RAP1GDS1: variants seen among roughly 807,000 people sequenced by gnomAD.
RAP1GDS1 encodes RAP1, GTP-GDP dissociation stimulator 1.
In RAP1GDS1, 35 loss-of-function variants were observed where a neutral mutation model predicts 71.1. The observed-to-expected ratio is 0.49, with a 90% CI of 0.38 to 0.65. RAP1GDS1 has a LOEUF of 0.65. Among genes scored for constraint, RAP1GDS1 ranks in the 30% least tolerant of loss-of-function variants. RAP1GDS1 has a pLI of 0.00. For missense variants in RAP1GDS1, 663 were observed against 706.1 expected (o/e 0.94, Z 0.69); for synonymous variants, 229 against 243.1 (o/e 0.94, Z 0.54).
intron 5 of RAP1GDS1, among the ~76,000 whole-genome samples, chr4:98,385,556 G>A (rs144587637): frequency 6.6e-6 from 1 of 151,936 alleles, no homozygotes; most frequent in East Asian, 1.9e-4. Flanking sequence ...AGCATCATGT[G>A]TAAATTAACT....
chr4:98,376,431 G>A (rs945897640), intron 4 of RAP1GDS1, among the ~76,000 whole-genome samples: 2 of 151,976 alleles, frequency 1.3e-5, no homozygotes, highest in Non-Finnish European at 2.9e-5. Context: ...ATGGACTTGT[G>A]CAATGATAGC....
At chr4:98,323,862 C>A (rs1442165018) in intron 2 of RAP1GDS1, among the ~76,000 whole-genome samples, 202 of 145,532 alleles carry the variant, frequency 1.4e-3, no homozygotes, top group Non-Finnish European at 1.1e-3. Context: ...AAAACTGGCA[C>A]AAGACAGGGA....
chr4:98,291,274 G>A (rs904508525), intron 1 of RAP1GDS1, among the ~76,000 whole-genome samples: 1 of 152,058 alleles, frequency 6.6e-6, no homozygotes, highest in Non-Finnish European at 1.5e-5. Context: ...TTCACAAGAC[G>A]AACTAGACCA....
chr4:98,334,332 C>A (rs1412725964), intron 2 of RAP1GDS1, among the ~76,000 whole-genome samples: 1 of 152,054 alleles, frequency 6.6e-6, no homozygotes, highest in Non-Finnish European at 1.5e-5. Context: ...TTTACCCTTC[C>A]CCCACCTTTG....
chr4:98,365,892 A>G (rs1486082936), intron 4 of RAP1GDS1, among the ~76,000 whole-genome samples: 1 of 152,194 alleles, frequency 6.6e-6, no homozygotes, highest in Non-Finnish European at 1.5e-5. Context: ...TGGCAAAACC[A>G]TATTATCATG....
intron 1 of RAP1GDS1, among the ~76,000 whole-genome samples, chr4:98,278,772 A>C (rs1724603326): frequency 6.6e-6 from 1 of 152,202 alleles, no homozygotes; most frequent in Non-Finnish European, 1.5e-5. Flanking sequence ...ACAAATTTTA[A>C]TATGGAAACT....
intron 5 of RAP1GDS1, among the ~76,000 whole-genome samples, chr4:98,390,235 A>G (rs1030774763): frequency 6.6e-6 from 1 of 152,170 alleles, no homozygotes; most frequent in Admixed American, 6.5e-5. Context: ...TATTCTGCCA[A>G]TATAATATAG....
At chr4:98,323,360 C>T (rs1732319172) in intron 2 of RAP1GDS1, among the ~76,000 whole-genome samples, 2 of 138,450 alleles carry the variant, frequency 1.4e-5, no homozygotes, top group Non-Finnish European at 3.0e-5. Flanking sequence ...GGAACTGGTA[C>T]CATTCCTTCT....
chr4:98,267,463 A>G (rs1210466101), intron 1 of RAP1GDS1, among the ~76,000 whole-genome samples: 3 of 152,126 alleles, frequency 2.0e-5, no homozygotes, highest in Non-Finnish European at 4.4e-5. Context: ...CATGGTACCC[A>G]GTGGGTAGTT....
chr4:98,401,864 T>A (rs1175142468), intron 6 of RAP1GDS1, among the ~76,000 whole-genome samples: 1 of 152,164 alleles, frequency 6.6e-6, no homozygotes, highest in Non-Finnish European at 1.5e-5. Context: ...TATTAAGTGT[T>A]TGGAGGAAAA....
chr4:98,301,854 G>T (rs1728631575), intron 2 of RAP1GDS1, among the ~76,000 whole-genome samples: 1 of 152,110 alleles, frequency 6.6e-6, no homozygotes, highest in African/African-American at 2.4e-5. Context: ...GTGATGAAAA[G>T]AAAGAAGCAA....
At chr4:98,273,392 A>G (rs966265829) in intron 1 of RAP1GDS1, among the ~76,000 whole-genome samples, 6 of 152,196 alleles carry the variant, frequency 3.9e-5, no homozygotes, top group Non-Finnish European at 7.3e-5. Flanking sequence ...GGAAAAATAT[A>G]TATGAGAGAA....
chr4:98,403,601 G>A (rs1745728845), intron 6 of RAP1GDS1, among the ~76,000 whole-genome samples: 1 of 152,184 alleles, frequency 6.6e-6, no homozygotes, highest in African/African-American at 2.4e-5. Flanking sequence ...CTGATGTCCA[G>A]AAGAGGGTTA....
chr4:98,383,576 A>G (rs1433766254), intron 5 of RAP1GDS1, among the ~76,000 whole-genome samples: 1 of 151,488 alleles, frequency 6.6e-6, no homozygotes, highest in East Asian at 1.9e-4. Flanking sequence ...GGCTGATGAT[A>G]ATTAAGCTAT....
At chr4:98,288,667 G>A (rs1160497673) in intron 1 of RAP1GDS1, among the ~76,000 whole-genome samples, 15 of 152,118 alleles carry the variant, frequency 9.9e-5, no homozygotes, top group Admixed American at 5.9e-4. Context: ...AAGTGTTCCT[G>A]TTTCTTCACA....
intron 12 of RAP1GDS1, among the ~76,000 whole-genome samples, chr4:98,429,574 A>G (rs1750113278): frequency 6.6e-6 from 1 of 152,208 alleles, no homozygotes; most frequent in African/African-American, 2.4e-5. Flanking sequence ...TGGGTCCACC[A>G]AAATCTCACA....
intron 14 of RAP1GDS1, among the ~76,000 whole-genome samples, chr4:98,438,905 A>G (rs1751530004): frequency 6.6e-6 from 1 of 151,988 alleles, no homozygotes; most frequent in African/African-American, 2.4e-5. Flanking sequence ...CCAGCCTCTC[A>G]CGTATATCAT....
chr4:98,416,315 T>C (rs980987628), intron 7 of RAP1GDS1, among the ~76,000 whole-genome samples: 1 of 145,038 alleles, frequency 6.9e-6, no homozygotes, highest in African/African-American at 2.5e-5. Flanking sequence ...ATGTATTATC[T>C]AAATCATGCA....
At chr4:98,360,609 C>T (rs1020178975) in intron 4 of RAP1GDS1, among the ~76,000 whole-genome samples, 6 of 151,990 alleles carry the variant, frequency 3.9e-5, no homozygotes, top group African/African-American at 7.3e-5. Context: ...ACATATTATC[C>T]TCTGCTCTTT....
Sources: allele counts gnomAD v4.1 joint callset (sites outside exome capture counted in the v4.1 genomes callset), GRCh38; gene constraint gnomAD v4.1.1; transcripts MANE v1.5; gene names NCBI Gene and HGNC (gene_info 2026-07-23, HGNC 2026-07-21).